Variants in AMOTL1 observed in about 807,000 individuals in gnomAD.
AMOTL1 encodes angiomotin-like protein 1.
In AMOTL1, 45 loss-of-function variants were observed where a neutral mutation model predicts 102.9. The observed-to-expected ratio is 0.44, with a 90% confidence interval of 0.34 to 0.56. The LOEUF is 0.56. AMOTL1 is among the 20% of genes least tolerant of loss of function. The pLI is 0.01. For synonymous variants in AMOTL1, 481 were observed against 484.7 expected, an observed-to-expected ratio of 0.99 and a Z score of 0.10; for missense variants, 1,114 against 1,225.6, an observed-to-expected ratio of 0.91 and a Z score of 1.36.
intron 1 of AMOTL1, among the ~76,000 whole-genome samples, chr11:94,772,312 T>A (rs752065505): frequency 6.6e-6 from 1 of 152,218 alleles, no homozygotes; most frequent in African/African-American, 2.4e-5. Flanking sequence ...GTACAGACTA[T>A]TTTATTACCC....
rs1453105099 is a variant in AMOTL1 at position 94,790,482 on chromosome 11, A to G, written c.50-4529A>G. On this transcript the variant is annotated intron_variant, in intron 1 of 12. Coordinates refer to ENST00000433060, the MANE Select transcript of AMOTL1 (RefSeq NM_130847.3). Reference sequence around the variant, plus strand: ...TAGAGGCGGTAAACTGAAGAGGTACATTTACTAGGATGAACTTTAGAGTAG... The same window carrying G: ...TAGAGGCGGTAAACTGAAGAGGTACGTTTACTAGGATGAACTTTAGAGTAG... 3.3e-5 allele frequency among the ~76,000 whole-genome samples: 5 copies of G among 152,124 alleles called. No individual in the cohort carries two copies. In the East Asian group the frequency reaches 7.7e-4, roughly 23 times the overall value.
chr11:94,870,973 A>G lies in AMOTL1; in HGVS notation c.*178A>G. On this transcript the variant is annotated 3_prime_UTR_variant, in exon 13 of 13. Transcript: ENST00000433060. ...AAACACAAAAACTACATGACTGAAG[A>G]TAGAAGAGAATGCGATGGATTTTAT... 3.9e-6 allele frequency: 2 copies of G among 506,904 alleles called. No individual in the cohort carries two copies. Among genetic ancestry groups the G allele is most frequent in the East Asian group, 5.9e-5 (2 of 33,702 alleles). 31.4% of individuals were successfully genotyped at this position (506,904 alleles called of 1,614,324 possible).
chr11:94,747,672 A>G (rs1461157174), intron 3 of AMOTL1, among the ~76,000 whole-genome samples: 2 of 152,216 alleles, frequency 1.3e-5, no homozygotes, highest in African/African-American at 4.8e-5. Context: ...GCTTAACACA[A>G]GGAAGACTGC....
intron 3 of AMOTL1, among the ~76,000 whole-genome samples, chr11:94,743,209 C>T (rs186835740): frequency 2.2e-4 from 33 of 152,264 alleles, no homozygotes; most frequent in Non-Finnish European, 3.5e-4. Flanking sequence ...CTGCAAAAAG[C>T]GGGGGTTGTG....
At chr11:94,768,625 C>G (rs1189254639) in intron 1 of AMOTL1, 65 bp downstream of exon 1, 2 of 1,553,066 alleles carry the variant, frequency 1.3e-6, no homozygotes, top group South Asian at 1.2e-5. Context: ...AGAACCCAGT[C>G]GCCCCGGGCT....
chr11:94,814,919 C>A (rs528367903), intron 3 of AMOTL1, among the ~76,000 whole-genome samples: 1 of 152,124 alleles, frequency 6.6e-6, no homozygotes, highest in Non-Finnish European at 1.5e-5. Flanking sequence ...CATTGTATCC[C>A]ACACCCCCTA....
At chr11:94,838,860 T>C (rs1952235951) in intron 6 of AMOTL1, among the ~76,000 whole-genome samples, 1 of 152,186 alleles carries the variant, frequency 6.6e-6, no homozygotes, top group African/African-American at 2.4e-5. Flanking sequence ...CCAGTGAGGA[T>C]TCACAATTAG....
chr11:94,832,148 A>G (rs1054522788), intron 6 of AMOTL1, among the ~76,000 whole-genome samples: 3 of 152,250 alleles, frequency 2.0e-5, no homozygotes, highest in Admixed American at 6.5e-5. Flanking sequence ...TTGAGAAACC[A>G]TTGGTCAAGG....
chr11:94,871,494 T>A lies in AMOTL1; in HGVS notation c.*699T>A, dbSNP rs895549916. On this transcript the variant is annotated 3_prime_UTR_variant, in exon 13 of 13. Transcript: ENST00000433060. ...ATCTCTGTCTCTGCTTTACAGTCTTTAATTTTTTGTTGTTCCTTCATTTTT... is the reference window on the plus strand; with the variant it reads ...ATCTCTGTCTCTGCTTTACAGTCTTAAATTTTTTGTTGTTCCTTCATTTTT... 6.6e-6 allele frequency: 1 copy of A among 152,226 alleles called. No individual in the cohort carries two copies. The highest frequency in any genetic ancestry group is 2.4e-5 in the African/African-American group (1 of 41,458). The allele number at this position is 152,226 out of a possible 1,614,324, so 9.4% of individuals were successfully genotyped here. A position where few individuals can be genotyped will look rare whatever the true frequency, so the allele number is the denominator to read the frequency against.
At chr11:94,856,199 T>A (rs1592039975) in intron 8 of AMOTL1, among the ~76,000 whole-genome samples, 1 of 152,222 alleles carries the variant, frequency 6.6e-6, no homozygotes, top group South Asian at 2.1e-4. Flanking sequence ...TCTGAAATGC[T>A]TGGGACCAGA....
chr11:94,768,049 C>T (rs1163922758), upstream of AMOTL1, among the ~76,000 whole-genome samples: 1 of 152,160 alleles, frequency 6.6e-6, no homozygotes, highest in Non-Finnish European at 1.5e-5. Flanking sequence ...CGGCATTGGG[C>T]TGGTGGGGAA....
chr11:94,770,938 A>C (rs564742383), intron 1 of AMOTL1, among the ~76,000 whole-genome samples: 87 of 152,280 alleles, frequency 5.7e-4, no homozygotes, highest in African/African-American at 2.0e-3. Flanking sequence ...GTGTGGACCC[A>C]GGGCCTAGGG....
intron 1 of AMOTL1, among the ~76,000 whole-genome samples, chr11:94,780,896 G>A (rs1219478917): frequency 6.6e-6 from 1 of 152,080 alleles, no homozygotes; most frequent in African/African-American, 2.4e-5. Context: ...AGAAAGTATG[G>A]CATGTCCTTT....
At chr11:94,757,786 C>G (rs1371262044) in intron 3 of AMOTL1, among the ~76,000 whole-genome samples, 1 of 152,126 alleles carries the variant, frequency 6.6e-6, no homozygotes, top group Non-Finnish European at 1.5e-5. Context: ...TAGTTAAGAG[C>G]AAGAGCTTCT....
intron 6 of AMOTL1, among the ~76,000 whole-genome samples, chr11:94,838,195 C>T (rs1456710844): frequency 1.3e-5 from 2 of 152,218 alleles, no homozygotes; most frequent in Admixed American, 6.5e-5. Flanking sequence ...ACTGTACACA[C>T]CATAAGGGGA....
In AMOTL1 at chr11:94,858,732, C is replaced by G. The variant is rs557453428; in HGVS notation, c.1945-793C>G. Among the ~76,000 whole-genome samples, 3 of 152,346 alleles carry G rather than the reference C, an allele frequency of 2.0e-5. No homozygotes were observed. In the South Asian group the frequency reaches 6.2e-4, roughly 32 times the overall value. On this transcript the variant is annotated intron_variant, in intron 8 of 12. Coordinates refer to ENST00000433060, the MANE Select transcript of AMOTL1 (RefSeq NM_130847.3). ...CCAAGATAACTTATCTCTGCTGCTGCTCTGAAGGCAGAACTTTCTCAGAGC... is the reference window on the plus strand; with the variant it reads ...CCAAGATAACTTATCTCTGCTGCTGGTCTGAAGGCAGAACTTTCTCAGAGC...
chr11:94,859,969 G>A (rs1316741116), intron 9 of AMOTL1, among the ~76,000 whole-genome samples: 1 of 152,092 alleles, frequency 6.6e-6, no homozygotes, highest in African/African-American at 2.4e-5. Context: ...TCATAGACAT[G>A]CCAGAAGGTG....
intron 3 of AMOTL1, among the ~76,000 whole-genome samples, chr11:94,813,415 T>C (rs910923726): frequency 2.0e-5 from 3 of 152,198 alleles, no homozygotes; most frequent in African/African-American, 4.8e-5. Flanking sequence ...TCCCATTTCA[T>C]GTTGAAATAA....
At chr11:94,759,020 G>A (rs578213816) in intron 3 of AMOTL1, among the ~76,000 whole-genome samples, 5 of 151,946 alleles carry the variant, frequency 3.3e-5, no homozygotes, top group Non-Finnish European at 7.4e-5. Flanking sequence ...ATTTCTATAC[G>A]GATTAGATAT....
Sources: gnomAD v4.1 joint callset for allele counts (sites outside exome capture counted in the v4.1 genomes callset) on GRCh38, gnomAD v4.1.1 for gene constraint, MANE v1.5 for transcripts, NCBI Gene and HGNC (gene_info 2026-07-23, HGNC 2026-07-21) for gene names.